Variants in PRKAR1A observed in about 807,000 individuals in gnomAD.
PRKAR1A encodes cAMP-dependent protein kinase type I-alpha regulatory subunit.
A neutral mutation model predicts 52.0 loss-of-function variants in PRKAR1A; 3 were observed. The ratio of observed to expected loss-of-function variants is 0.06; its 90% CI spans 0.03 to 0.15. The LOEUF (loss-of-function observed/expected upper bound fraction) is 0.15, where lower values mean the gene tolerates loss of function less well. Among genes scored for constraint, PRKAR1A ranks in the 10% least tolerant of loss-of-function variants. The pLI is 1.00. For missense variants in PRKAR1A, 240 were observed against 477.4 expected (o/e 0.50, Z 4.63); for synonymous variants, 188 against 168.4 (o/e 1.12, Z -0.90).
chr17:68,417,613 G>GT, the PRKAR1A span, among the ~76,000 whole-genome samples: 1 of 151,762 alleles, frequency 6.6e-6, no homozygotes, highest in South Asian at 2.1e-4. Flanking sequence ...GTTTCTGCTT[G>GT]TGGGTTTCTG....
chr17:68,426,242 T>TGGCGGGGGGGGGGG, the PRKAR1A span: 1 of 668,988 alleles, frequency 1.5e-6, no homozygotes, highest in Non-Finnish European at 2.2e-6. Flanking sequence ...ACCTGGCGGG[T>TGGCGGGGGGGGGGG]GGGGAGCGGG....
chr17:68,530,725 C>T lies in PRKAR1A; in HGVS notation c.*276C>T. 7.4e-7 allele frequency: 1 copy of T among 1,354,688 alleles called. No homozygotes were observed. Among genetic ancestry groups the T allele is most frequent in the Non-Finnish European group, 9.5e-7 (1 of 1,049,140 alleles). 83.9% of individuals were successfully genotyped at this position (1,354,688 alleles called of 1,614,324 possible). A position where few individuals can be genotyped will look rare whatever the true frequency, so the allele number is the denominator to read the frequency against. On this transcript the variant is annotated 3_prime_UTR_variant, in exon 11 of 11. Transcript: ENST00000589228. ...TAGTATTCACCCTGGGCAGTGAGTGCCATGCTTTTTGGTGAGGGCAGATCC... is the reference window on the plus strand; with the variant it reads ...TAGTATTCACCCTGGGCAGTGAGTGTCATGCTTTTTGGTGAGGGCAGATCC...
chr17:68,521,269 G>T lies in PRKAR1A; in HGVS notation c.178-1487G>T, dbSNP rs138154832. Among the ~76,000 whole-genome samples, 819 of 152,134 alleles carry T rather than the reference G, an allele frequency of 5.4e-3. 8 individuals are homozygous for T. Among genetic ancestry groups the T allele is most frequent in the African/African-American group, 0.019 (787 of 41,484 alleles). The stretch of plus-strand genomic sequence containing the variant: ...TTTTGAGACAGGATCTCACTCTGTT[G>T]CCCAGGCCTGAGTGCAGTGGTGCGA... On this transcript the variant is annotated intron_variant, in intron 2 of 10. Coordinates refer to ENST00000589228, the MANE Select transcript of PRKAR1A (RefSeq NM_002734.5).
At chr17:68,465,106 G>A in the PRKAR1A span, among the ~76,000 whole-genome samples, 1 of 134,764 alleles carries the variant, frequency 7.4e-6, no homozygotes, top group Non-Finnish European at 1.6e-5. Context: ...TTTTTTTTTT[G>A]TATTTTCAGT....
rs1192354369 is a variant in PRKAR1A at position 68,530,344 on chromosome 17, C to T, written c.1041C>T (p.Cys347=). Reference sequence around the variant, plus strand: ...TTGTTGCTCGTGGCCCCTTGAAGTGCGTTAAGCTGGACCGACCTAGATTTG... The same window carrying T: ...TTGTTGCTCGTGGCCCCTTGAAGTGTGTTAAGCTGGACCGACCTAGATTTG... ...ATVVARGPLK[C]VKLDRPRFER... is the part of the protein sequence containing the mutation. The change falls in exon 11 of 11, where the codon TGC becomes TGT. Residue 347 remains cysteine, a synonymous_variant. Coordinates refer to ENST00000589228, the MANE Select transcript of PRKAR1A (RefSeq NM_002734.5). 9.9e-6 allele frequency: 16 copies of T among 1,613,946 alleles called. No homozygotes were observed. The highest frequency in any genetic ancestry group is 9.3e-5 in the African/African-American group (7 of 74,898).
chr17:68,508,105 T>A (rs2085220261), upstream of PRKAR1A, among the ~76,000 whole-genome samples: 1 of 152,202 alleles, frequency 6.6e-6, no homozygotes, highest in Non-Finnish European at 1.5e-5. Flanking sequence ...AAGAAGGAGT[T>A]CTGCCTTGGA....
the PRKAR1A span, among the ~76,000 whole-genome samples, chr17:68,454,759 G>T: frequency 5.9e-5 from 9 of 152,192 alleles, no homozygotes; most frequent in Admixed American, 5.2e-4. Context: ...TGTAAAGTTT[G>T]CAAGTAAGGA....
At chr17:68,459,838 A>T in the PRKAR1A span, among the ~76,000 whole-genome samples, 2 of 142,538 alleles carry the variant, frequency 1.4e-5, no homozygotes, top group East Asian at 4.0e-4. Flanking sequence ...TAATCAGTTA[A>T]TTCAGGTTTT....
chr17:68,543,772 C>T, intron 11 of PRKAR1A: 1 of 1,498,206 alleles, frequency 6.7e-7, no homozygotes, highest in African/African-American at 1.4e-5. Context: ...AGCTGGGAGC[C>T]TGAGAAGAGA....
Position 68,532,114 on chromosome 17 carries a change from C to G in PRKAR1A, c.*1665C>G, listed in dbSNP as rs551810500. ...CATTTTAGGGTGGGTAAGAAAGCCA[C>G]CTTGTTACAAATTTTTTAATTTCCA... On this transcript the variant is annotated 3_prime_UTR_variant, in exon 11 of 11. Transcript: ENST00000589228. The G allele has an allele frequency of 3.8e-6, 4 of 1,064,034 alleles. No homozygotes were observed. The African/African-American group carries it at 6.5e-5, about 17-fold the overall frequency. The allele number at this position is 1,064,034 out of a possible 1,614,324, so 65.9% of individuals were successfully genotyped here. A position where few individuals can be genotyped will look rare whatever the true frequency, so the allele number is the denominator to read the frequency against.
At position 68,524,178 on chromosome 17, in the gene PRKAR1A, C is replaced by T. The variant is rs574284663; in HGVS notation, c.502+101C>T. 3.5e-4 allele frequency: 419 copies of T among 1,205,602 alleles called. 4 individuals are homozygous for T. The South Asian group carries it at 3.9e-3, about 11-fold the overall frequency. The allele number at this position is 1,205,602 out of a possible 1,614,324, so 74.7% of individuals were successfully genotyped here. On this transcript the variant is annotated intron_variant, in intron 5 of 10. Coordinates refer to ENST00000589228, the MANE Select transcript of PRKAR1A (RefSeq NM_002734.5). Reference sequence around the variant, plus strand: ...TTGAAGTTTGTTTTCCTCTTTGATCCTACCACTTTTTTTTTTCTGTTATAC... The same window carrying T: ...TTGAAGTTTGTTTTCCTCTTTGATCTTACCACTTTTTTTTTTCTGTTATAC...
At chr17:68,505,322 C>T in the PRKAR1A span, among the ~76,000 whole-genome samples, 10 of 151,922 alleles carry the variant, frequency 6.6e-5, no homozygotes, top group East Asian at 1.9e-4. Flanking sequence ...TAAAATAAAA[C>T]GAAAATCAGT....
the PRKAR1A span, chr17:68,452,885 T>C: frequency 6.2e-7 from 1 of 1,607,788 alleles, no homozygotes; most frequent in Non-Finnish European, 8.5e-7. Flanking sequence ...TGCAGATCCC[T>C]GAGGTCTCTC....
rs993273673 is a variant in PRKAR1A at position 68,529,739 on chromosome 17, A to T, written c.892-181A>T. ...TAAGCACCTTAGCTTGATACGAAGAACCTCGCTAGCAGGAGATGCTGGTAA... is the reference window on the plus strand; with the variant it reads ...TAAGCACCTTAGCTTGATACGAAGATCCTCGCTAGCAGGAGATGCTGGTAA... On this transcript the variant is annotated intron_variant, in intron 9 of 10. Coordinates refer to ENST00000589228, the MANE Select transcript of PRKAR1A (RefSeq NM_002734.5). Among the ~76,000 whole-genome samples the T allele has an allele frequency of 3.3e-5, 5 of 152,332 alleles. No homozygotes were observed. In the East Asian group the frequency reaches 9.6e-4, roughly 29 times the overall value.
At chr17:68,472,300 C>T in the PRKAR1A span, among the ~76,000 whole-genome samples, 1 of 152,166 alleles carries the variant, frequency 6.6e-6, no homozygotes, top group African/African-American at 2.4e-5. Context: ...CAGACCCTCA[C>T]CTTGCCATGG....
Position 68,530,929 on chromosome 17 carries a change from TTAG to T in PRKAR1A, c.*483_*485del, listed in dbSNP as rs1474635077. 1 of 1,110,542 alleles carries T rather than the reference TTAG, an allele frequency of 9.0e-7. No homozygotes were observed. Among genetic ancestry groups the T allele is most frequent in the Non-Finnish European group, 1.1e-6 (1 of 905,292 alleles). 68.8% of individuals were successfully genotyped at this position (1,110,542 alleles called of 1,614,324 possible). On this transcript the variant is annotated 3_prime_UTR_variant, in exon 11 of 11. Transcript: ENST00000589228. ...TTAGGGAAAATGGATATAGAAAATC[TTAG>T]TATAGTAGAAAGACATCTGCCTGTA...
At chr17:68,517,621 C>G (rs2085474156) in intron 2 of PRKAR1A, among the ~76,000 whole-genome samples, 1 of 152,222 alleles carries the variant, frequency 6.6e-6, no homozygotes, top group South Asian at 2.1e-4. Flanking sequence ...AGTTACCTCC[C>G]ACCAGGTCCC....
intron 2 of PRKAR1A, among the ~76,000 whole-genome samples, chr17:68,518,583 A>G (rs990820897): frequency 3.3e-5 from 5 of 152,222 alleles, no homozygotes; most frequent in South Asian, 4.1e-4. Flanking sequence ...CTGAGGCTGC[A>G]TAGTACAGGA....
chr17:68,478,804 T>G, the PRKAR1A span, among the ~76,000 whole-genome samples: 4 of 151,430 alleles, frequency 2.6e-5, no homozygotes, highest in Non-Finnish European at 4.4e-5. Context: ...CTCGGCTCAC[T>G]GCAACCTCCG....
Sources: allele counts gnomAD v4.1 joint callset (sites outside exome capture counted in the v4.1 genomes callset), GRCh38; gene constraint gnomAD v4.1.1; transcripts MANE v1.5; gene names NCBI Gene and HGNC (gene_info 2026-07-23, HGNC 2026-07-21).